The following LTBP1 variants were observed in gnomAD, a reference collection of about 807,000 sequenced individuals.
LTBP1 encodes latent-transforming growth factor beta-binding protein 1.
LTBP1 carries 129 observed loss-of-function variants against 207.6 expected under a neutral mutation model. The ratio of observed to expected loss-of-function variants is 0.62; its 90% CI spans 0.54 to 0.72. The LOEUF is 0.72. Among genes scored for constraint, LTBP1 ranks in the 30% least tolerant of loss-of-function variants. The probability of loss-of-function intolerance (pLI) is 0.00; values close to 1 mark genes in which losing one functional copy is unlikely to be tolerated. For synonymous variants in LTBP1, 963 were observed against 833.7 expected (o/e 1.16, Z -2.67); for missense variants, 2,281 against 2,217.2 (o/e 1.03, Z -0.58).
At chr2:33,218,371 A>T (rs2090868314) in intron 8 of LTBP1, among the ~76,000 whole-genome samples, 1 of 151,712 alleles carries the variant, frequency 6.6e-6, no homozygotes, top group African/African-American at 2.4e-5. Context: ...TGTAGTATTA[A>T]CTCTGGATAA....
At chr2:33,025,179 C>G (rs1384310922) in intron 3 of LTBP1, among the ~76,000 whole-genome samples, 1 of 152,162 alleles carries the variant, frequency 6.6e-6, no homozygotes, top group African/African-American at 2.4e-5. Flanking sequence ...CTCACGCTTA[C>G]CTTATTGTAC....
intron 24 of LTBP1, among the ~76,000 whole-genome samples, chr2:33,338,365 A>G (rs900796214): frequency 2.0e-5 from 3 of 152,212 alleles, no homozygotes; most frequent in Non-Finnish European, 4.4e-5. Flanking sequence ...CATCTGCTAT[A>G]ATTGCATAGA....
At chr2:32,969,157 C>G (rs1227348474) in intron 2 of LTBP1, among the ~76,000 whole-genome samples, 1 of 150,976 alleles carries the variant, frequency 6.6e-6, no homozygotes. Context: ...AACTCCTGAC[C>G]TCAAGTGATC....
chr2:32,963,245 C>T (rs762442269), intron 2 of LTBP1, among the ~76,000 whole-genome samples: 5 of 152,146 alleles, frequency 3.3e-5, no homozygotes, highest in South Asian at 2.1e-4. Context: ...CACTCTGTAA[C>T]CCAGGCTGGA....
intron 31 of LTBP1, among the ~76,000 whole-genome samples, chr2:33,374,463 A>G (rs562485586): frequency 3.9e-5 from 6 of 152,230 alleles, no homozygotes; most frequent in Non-Finnish European, 7.3e-5. Flanking sequence ...AATAACCGCT[A>G]GTCACTTACA....
chr2:33,238,214 C>T (rs1055974441), intron 9 of LTBP1, among the ~76,000 whole-genome samples: 5 of 152,164 alleles, frequency 3.3e-5, no homozygotes, highest in African/African-American at 9.7e-5. Flanking sequence ...ACAGATGAAT[C>T]TCCAGAAAGC....
chr2:33,334,911 A>AT (rs200984015), intron 24 of LTBP1, among the ~76,000 whole-genome samples: 13 of 142,564 alleles, frequency 9.1e-5, no homozygotes, highest in South Asian at 2.1e-4. Context: ...TCTACTAAAA[A>AT]TTAAAAAAAA....
chr2:33,056,382 G>T (rs1373911843), intron 3 of LTBP1: 5 of 1,264,564 alleles, frequency 4.0e-6, no homozygotes, highest in Non-Finnish European at 5.2e-6. Context: ...TAACAGAATG[G>T]CCTGGATGTT....
chr2:33,257,230 A>G (rs1022052823), intron 11 of LTBP1, 54 bp from the exon 12 acceptor site: 8 of 1,327,412 alleles, frequency 6.0e-6, no homozygotes, highest in Non-Finnish European at 7.6e-6. Flanking sequence ...TTTCCTCTGT[A>G]TAAGTTTGCA....
rs1334693561 is a variant in LTBP1 at position 32,974,271 on chromosome 2, A to AT, written c.565+25332dup. On this transcript the variant is annotated intron_variant, in intron 2 of 33. Transcript: ENST00000404816. ...TCCTTGTCAGCATTTGTTATTGTCTATTTTTTCATATAAGCCATTTAACTG... is the reference window on the plus strand; with the variant it reads ...TCCTTGTCAGCATTTGTTATTGTCTATTTTTTTCATATAAGCCATTTAACTG... 2.0e-5 allele frequency among the ~76,000 whole-genome samples: 3 copies of AT among 152,008 alleles called. No homozygotes were observed. In the East Asian group the frequency reaches 5.8e-4, roughly 29 times the overall value.
intron 2 of LTBP1, among the ~76,000 whole-genome samples, chr2:32,982,464 G>C (rs748811474): frequency 3.3e-4 from 50 of 152,312 alleles, no homozygotes; most frequent in Non-Finnish European, 6.3e-4. Context: ...AAGTAACAAG[G>C]AGCCCAAGAC....
At chr2:32,978,398 G>T (rs890628105) in intron 2 of LTBP1, among the ~76,000 whole-genome samples, 5 of 151,942 alleles carry the variant, frequency 3.3e-5, no homozygotes, top group Non-Finnish European at 7.4e-5. Flanking sequence ...TTGTTTGAGT[G>T]CTTTTTTTCA....
chr2:33,029,310 C>T (rs1274558193), intron 3 of LTBP1, among the ~76,000 whole-genome samples: 1 of 152,080 alleles, frequency 6.6e-6, no homozygotes, highest in Non-Finnish European at 1.5e-5. Context: ...AACCCCGTCT[C>T]TACTAAAAAT....
chr2:32,974,800 C>T (rs767455790), intron 2 of LTBP1, among the ~76,000 whole-genome samples: 13 of 152,142 alleles, frequency 8.5e-5, no homozygotes, highest in South Asian at 2.1e-4. Flanking sequence ...ATCTTGAAGA[C>T]GGTATACAGT....
At position 33,375,569 on chromosome 2, in the gene LTBP1, C is replaced by T. The variant is rs191515155; in HGVS notation, c.4711+10066C>T. Among the ~76,000 whole-genome samples, 73 of 152,286 alleles carry T rather than the reference C, an allele frequency of 4.8e-4. 1 individual carries two copies. The highest frequency in any genetic ancestry group is 1.8e-3 in the African/African-American group (73 of 41,568). ...TTGAGACGGAGTCTCGCTCTGTCGC[C>T]CAGGCTGGAGTGCAGTGGCACGATC... On this transcript the variant is annotated intron_variant, in intron 31 of 33. Transcript: ENST00000404816.
At position 33,161,593 on chromosome 2, in the gene LTBP1, T is replaced by A. The variant is rs1242377441; in HGVS notation, c.1202-25263T>A. ...GGAAGCTTCTTTATAGAGACTTTGC[T>A]GTTCTTACCTTCTGCAAACAAATGA... On this transcript the variant is annotated intron_variant, in intron 5 of 33. Coordinates refer to ENST00000404816, the MANE Select transcript of LTBP1 (RefSeq NM_206943.4). 2.0e-5 allele frequency among the ~76,000 whole-genome samples: 3 copies of A among 152,244 alleles called. No homozygotes were observed. The East Asian group carries it at 5.8e-4, about 29-fold the overall frequency.
At chr2:33,073,278 T>G (rs80161869) in intron 3 of LTBP1, among the ~76,000 whole-genome samples, 29 of 30,150 alleles carry the variant, frequency 9.6e-4, no homozygotes, top group African/African-American at 1.2e-3. Context: ...TGTCACAGTG[T>G]TTTTTTTGTT....
At chr2:32,956,672 C>T (rs1479207260) in intron 2 of LTBP1, among the ~76,000 whole-genome samples, 1 of 152,208 alleles carries the variant, frequency 6.6e-6, no homozygotes. Flanking sequence ...TAATCTCCTC[C>T]CGTAAATCAT....
chr2:33,379,820 T>TC (rs2095191928), intron 31 of LTBP1, among the ~76,000 whole-genome samples: 2 of 152,254 alleles, frequency 1.3e-5, no homozygotes, highest in Non-Finnish European at 2.9e-5. Flanking sequence ...GATTAGAACT[T>TC]GCTCTTCCAA....
Sources: gnomAD v4.1 joint callset for allele counts (sites outside exome capture counted in the v4.1 genomes callset) on GRCh38, gnomAD v4.1.1 for gene constraint, MANE v1.5 for transcripts, NCBI Gene and HGNC (gene_info 2026-07-23, HGNC 2026-07-21) for gene names.